FBLN2: variants seen among roughly 807,000 people sequenced by gnomAD.
The protein encoded by FBLN2 is fibulin 2.
In FBLN2, 81 loss-of-function variants were observed where a neutral mutation model predicts 123.7. That is an observed-to-expected ratio of 0.65 (90% CI 0.55 to 0.79). The LOEUF (loss-of-function observed/expected upper bound fraction) is 0.79. Ranked by LOEUF, FBLN2 falls within the 30% of genes least tolerant of loss-of-function variation. The probability of loss-of-function intolerance (pLI) is 0.00; values close to 1 mark genes in which losing one functional copy is unlikely to be tolerated. For synonymous variants in FBLN2, 699 were observed against 701.4 expected (o/e 1.00, Z 0.05); for missense variants, 1,603 against 1,681.3 (o/e 0.95, Z 0.81).
At chr3:13,632,598 A>G (rs1432468084) in intron 16 of FBLN2, among the ~76,000 whole-genome samples, 1 of 152,166 alleles carries the variant, frequency 6.6e-6, no homozygotes, top group African/African-American at 2.4e-5. Context: ...CATAGGGCAG[A>G]GTGGAGTGGC....
intron 2 of FBLN2, among the ~76,000 whole-genome samples, chr3:13,585,613 C>T (rs1704471633): frequency 6.6e-6 from 1 of 152,162 alleles, no homozygotes; most frequent in South Asian, 2.1e-4. Context: ...AAACCTACCG[C>T]ACTGCCAGTA....
At chr3:13,579,724 T>C (rs539723848) in intron 2 of FBLN2, among the ~76,000 whole-genome samples, 2 of 152,360 alleles carry the variant, frequency 1.3e-5, no homozygotes, top group South Asian at 4.1e-4. Context: ...GGTTCCAGTC[T>C]TTTGCTCTTA....
intron 16 of FBLN2, among the ~76,000 whole-genome samples, chr3:13,633,955 A>ACACACACACACACACG (rs1491260920): frequency 3.6e-4 from 8 of 22,322 alleles, no homozygotes; most frequent in African/African-American, 1.7e-3. Context: ...CACACTGCAA[A>ACACACACACACACACG]CACACACACA....
At chr3:13,587,388 AGTGTTT>A (rs1704543578) in intron 2 of FBLN2, among the ~76,000 whole-genome samples, 2 of 152,206 alleles carry the variant, frequency 1.3e-5, no homozygotes, top group African/African-American at 4.8e-5. Flanking sequence ...TGAAGTGTCC[AGTGTTT>A]CTAAAATCTG....
intron 12 of FBLN2, 54 bp downstream of exon 12, chr3:13,629,102 C>T (rs911078755): frequency 6.2e-7 from 1 of 1,612,826 alleles, no homozygotes; most frequent in Non-Finnish European, 8.5e-7. Context: ...CGCTTCCCCA[C>T]CCCTGGGAGG....
intron 9 of FBLN2, 75 bp from the exon 10 acceptor site, chr3:13,626,370 C>A: frequency 9.1e-6 from 13 of 1,421,778 alleles, no homozygotes; most frequent in Non-Finnish European, 1.2e-5. Flanking sequence ...CTCCTGGTGG[C>A]CCAAGGTCTG....
At chr3:13,617,379 C>T (rs1174422420) in intron 5 of FBLN2, among the ~76,000 whole-genome samples, 2 of 152,018 alleles carry the variant, frequency 1.3e-5, no homozygotes, top group Admixed American at 6.5e-5. Flanking sequence ...CTCATCCACC[C>T]ATCCACCCAC....
Position 13,570,316 on chromosome 3 carries a change from G to GTCT in FBLN2, c.-38_-36dup. ...AGGCTTCCTTTCTGATTCCCCCAGGGTCTTACAGGAGAGGGGACCGTCCTG... is the reference window on the plus strand; with the variant it reads ...AGGCTTCCTTTCTGATTCCCCCAGGGTCTTCTTACAGGAGAGGGGACCGTCCTG... On this transcript the variant is annotated splice_region_variant and 5_prime_UTR_variant, in exon 2 of 18. Transcript: ENST00000404922. The GTCT allele has an allele frequency of 1.3e-6, 2 of 1,484,398 alleles. No homozygotes were observed. The highest frequency in any genetic ancestry group is 2.7e-5 in the South Asian group (2 of 75,224). 92.0% of individuals were successfully genotyped at this position (1,484,398 alleles called of 1,614,324 possible).
intron 16 of FBLN2, 58 bp from the exon 17 acceptor site, chr3:13,636,387 G>A: frequency 6.3e-7 from 1 of 1,597,660 alleles, no homozygotes; most frequent in Non-Finnish European, 8.5e-7. Context: ...AGGCTGGGGA[G>A]TTTCAGGCTG....
intron 4 of FBLN2, among the ~76,000 whole-genome samples, chr3:13,611,900 A>T (rs9835273): frequency 1.8e-4 from 28 of 152,100 alleles, no homozygotes; most frequent in African/African-American, 6.8e-4. Flanking sequence ...GAACATGAGA[A>T]AAAAGGGAAA....
Position 13,555,563 on chromosome 3 carries a change from T to A in FBLN2, c.-42+6355T>A, listed in dbSNP as rs60384299. 9.2e-3 allele frequency among the ~76,000 whole-genome samples: 1,407 copies of A among 152,206 alleles called. 24 individuals are homozygous for A. Among genetic ancestry groups the A allele is most frequent in the African/African-American group, 0.032 (1,346 of 41,514 alleles). On this transcript the variant is annotated intron_variant, in intron 1 of 17. Coordinates refer to ENST00000404922, the MANE Select transcript of FBLN2 (RefSeq NM_001004019.2). ...TCCGCCTCCCAGGTTCATACCATTC[T>A]CCTGCCTCAGCCTCCCGAGTAGCTG...
In FBLN2 at chr3:13,633,018, A is replaced by G. The variant is rs548168932; in HGVS notation, c.3214+1561A>G. Among the ~76,000 whole-genome samples the G allele has an allele frequency of 2.6e-5, 4 of 152,332 alleles. No individual in the cohort carries two copies. The East Asian group carries it at 5.8e-4, about 22-fold the overall frequency. ...GTGGCCACTTCAAGGAAGCCCCATC[A>G]GACACTGCAGTGACATTTGCTCTTG... is the stretch of plus-strand genomic sequence containing the variant. On this transcript the variant is annotated intron_variant, in intron 16 of 17. Transcript: ENST00000404922.
chr3:13,605,681 A>G (rs1245753839), intron 2 of FBLN2, among the ~76,000 whole-genome samples: 3 of 152,164 alleles, frequency 2.0e-5, no homozygotes, highest in Non-Finnish European at 4.4e-5. Context: ...TGGTTGTGTT[A>G]CGGGCTGTCG....
chr3:13,612,349 T>TTTC (rs1331689330), intron 4 of FBLN2, among the ~76,000 whole-genome samples: 18 of 143,328 alleles, frequency 1.3e-4, no homozygotes, highest in African/African-American at 4.0e-4. Context: ...CTTTTCTTTC[T>TTTC]TTTTCTTTCT....
rs111932451 is a variant in FBLN2 at position 13,550,753 on chromosome 3, G to A, written c.-42+1545G>A. On this transcript the variant is annotated intron_variant, in intron 1 of 17. Transcript: ENST00000404922. ...CCCTGGGGTGCACCCTTGACTTCCC[G>A]CCCTCCCCTTCTGCAGCTGAGCTGT... 1.1e-4 allele frequency among the ~76,000 whole-genome samples: 17 copies of A among 152,266 alleles called. 1 individual carries two copies. Among genetic ancestry groups the A allele is most frequent in the African/African-American group, 3.8e-4 (16 of 41,572 alleles).
intron 4 of FBLN2, 37 bp downstream of exon 4, chr3:13,609,679 T>TGGCTCTGTGGGGGGGGGGGG: frequency 1.2e-5 from 1 of 80,284 alleles, no homozygotes; most frequent in Non-Finnish European, 2.2e-5. Flanking sequence ...CAGGGTGGGG[T>TGGCTCTGTGGGGGGGGGGGG]GGGGCGGGGC....
chr3:13,594,779 C>T lies in FBLN2; in HGVS notation c.1307-13283C>T, dbSNP rs561795792. ...GGGGACACAGAGGGACCCCAGAGCC[C>T]GGGCTCCCAGGTCCAGACCCTATGC... On this transcript the variant is annotated intron_variant, in intron 2 of 17. Coordinates refer to ENST00000404922, the MANE Select transcript of FBLN2 (RefSeq NM_001004019.2). Among the ~76,000 whole-genome samples, 93 of 152,270 alleles carry T rather than the reference C, an allele frequency of 6.1e-4. 1 individual carries two copies. Among genetic ancestry groups the T allele is most frequent in the African/African-American group, 2.1e-3 (89 of 41,560 alleles).
At chr3:13,592,991 C>T in intron 2 of FBLN2, among the ~76,000 whole-genome samples, 1 of 152,154 alleles carries the variant, frequency 6.6e-6, no homozygotes, top group East Asian at 1.9e-4. Flanking sequence ...CTCCATCAGC[C>T]CAGCCCGGAC....
chr3:13,567,897 G>A (rs1293295799), intron 1 of FBLN2, among the ~76,000 whole-genome samples: 1 of 152,198 alleles, frequency 6.6e-6, no homozygotes, highest in Non-Finnish European at 1.5e-5. Flanking sequence ...GGTTGAGGCT[G>A]CGATGAGCTA....
Sources: gnomAD v4.1 joint callset for allele counts (sites outside exome capture counted in the v4.1 genomes callset) on GRCh38, gnomAD v4.1.1 for gene constraint, MANE v1.5 for transcripts, NCBI Gene and HGNC (gene_info 2026-07-23, HGNC 2026-07-21) for gene names.